The following AKAP10 variants were observed in gnomAD, a reference collection of about 807,000 sequenced individuals.
The protein encoded by AKAP10 is A-kinase anchoring protein 10.
In AKAP10, 24 loss-of-function variants were observed where a neutral mutation model predicts 80.8. The ratio of observed to expected loss-of-function variants is 0.30; its 90% CI spans 0.22 to 0.42. The LOEUF (loss-of-function observed/expected upper bound fraction) is 0.42. AKAP10 is among the 10% of genes least tolerant of loss of function. The pLI is 1.00. For synonymous variants in AKAP10, 291 were observed against 277.7 expected, an observed-to-expected ratio of 1.05 and a Z score of -0.48; for missense variants, 661 against 794.9, an observed-to-expected ratio of 0.83 and a Z score of 2.03.
At chr17:19,943,334 G>A (rs141309659) in intron 5 of AKAP10, among the ~76,000 whole-genome samples, 3 of 152,314 alleles carry the variant, frequency 2.0e-5, no homozygotes, top group Non-Finnish European at 2.9e-5. Context: ...AGAATTACAC[G>A]TTTGGGACTT....
At chr17:19,972,758 G>GT (rs2043515034) in intron 1 of AKAP10, among the ~76,000 whole-genome samples, 1 of 152,088 alleles carries the variant, frequency 6.6e-6, no homozygotes, top group African/African-American at 2.4e-5. Flanking sequence ...CTTGGCGAAA[G>GT]TTTTAAGTTT....
At chr17:19,965,029 C>A (rs2043399961) in intron 2 of AKAP10, among the ~76,000 whole-genome samples, 2 of 152,256 alleles carry the variant, frequency 1.3e-5, no homozygotes, top group South Asian at 4.1e-4. Flanking sequence ...AAGCCCTGAT[C>A]TGTATCTGTG....
intron 14 of AKAP10, among the ~76,000 whole-genome samples, chr17:19,907,190 G>T (rs1323133089): frequency 1.3e-5 from 2 of 151,264 alleles, no homozygotes; most frequent in Non-Finnish European, 2.9e-5. Flanking sequence ...AGCTAATTTT[G>T]TATTTTTAGT....
chr17:19,910,514 A>C (rs1179636142), intron 12 of AKAP10, among the ~76,000 whole-genome samples: 1 of 152,190 alleles, frequency 6.6e-6, no homozygotes, highest in Non-Finnish European at 1.5e-5. Flanking sequence ...GGCTTGAAAA[A>C]CTTTTGAAAA....
intron 4 of AKAP10, among the ~76,000 whole-genome samples, chr17:19,951,770 G>A (rs976484574): frequency 6.6e-6 from 1 of 151,784 alleles, no homozygotes; most frequent in Non-Finnish European, 1.5e-5. Context: ...AAGGCCGCAG[G>A]GTCCTCTGTC....
intron 14 of AKAP10, among the ~76,000 whole-genome samples, chr17:19,908,677 T>C (rs2042657985): frequency 6.6e-6 from 1 of 152,170 alleles, no homozygotes; most frequent in South Asian, 2.1e-4. Flanking sequence ...GTTTCGCTCG[T>C]CGCCCAGGCT....
intron 12 of AKAP10, among the ~76,000 whole-genome samples, chr17:19,916,098 T>G (rs1308024711): frequency 6.6e-6 from 1 of 152,160 alleles, no homozygotes; most frequent in African/African-American, 2.4e-5. Flanking sequence ...CCTTGTTCCT[T>G]TCACCAAGAA....
intron 2 of AKAP10, among the ~76,000 whole-genome samples, chr17:19,965,775 G>A (rs1181145428): frequency 1.3e-5 from 2 of 152,020 alleles, no homozygotes; most frequent in African/African-American, 2.4e-5. Context: ...ACAAACTGAA[G>A]GCTATGTTAA....
chr17:19,941,941 C>A, intron 5 of AKAP10, 31 bp from the exon 6 acceptor site: 1 of 1,596,860 alleles, frequency 6.3e-7, no homozygotes, highest in Non-Finnish European at 8.5e-7. Context: ...AATTAAATTG[C>A]CACTAAATTC....
rs2043593521 is a variant in AKAP10, at chr17:19,977,745, T to C, written c.-66A>G. The C allele has an allele frequency of 5.8e-6, 6 of 1,032,874 alleles. No homozygotes were observed. Among genetic ancestry groups the C allele is most frequent in the Middle Eastern group, 5.0e-4 (2 of 3,982 alleles). 64.0% of individuals were successfully genotyped at this position (1,032,874 alleles called of 1,614,324 possible). A position where few individuals can be genotyped will look rare whatever the true frequency, so the allele number is the denominator to read the frequency against. ...GCACTAGCGCGAAAAGGGACCCTTC[T>C]TCCGGGAGTGGGCCCCACCGCCTCC... On this transcript the variant is annotated 5_prime_UTR_variant, in exon 1 of 15. Coordinates refer to ENST00000225737, the MANE Select transcript of AKAP10 (RefSeq NM_007202.4).
intron 12 of AKAP10, among the ~76,000 whole-genome samples, chr17:19,914,403 T>C (rs1005302597): frequency 2.6e-5 from 4 of 152,048 alleles, no homozygotes; most frequent in African/African-American, 9.7e-5. Context: ...ATAATCCCAA[T>C]ACTTTGGGAG....
At chr17:19,910,131 C>T (rs1232962685) in intron 12 of AKAP10, among the ~76,000 whole-genome samples, 153 bp from the exon 13 acceptor site, 1 of 151,952 alleles carries the variant, frequency 6.6e-6, no homozygotes, top group Non-Finnish European at 1.5e-5. Flanking sequence ...AGTTCAAGAC[C>T]AGCCTGGCCA....
At chr17:19,938,701 C>CT (rs2043020054) in intron 8 of AKAP10, among the ~76,000 whole-genome samples, 1 of 151,694 alleles carries the variant, frequency 6.6e-6, no homozygotes, top group Non-Finnish European at 1.5e-5. Context: ...TTAGCATTTG[C>CT]TTAAGGATAC....
chr17:19,911,799 C>T (rs1354349973), intron 12 of AKAP10, among the ~76,000 whole-genome samples: 1 of 124,670 alleles, frequency 8.0e-6, no homozygotes, highest in Non-Finnish European at 1.6e-5. Flanking sequence ...CACGCCATTG[C>T]ACTCCAGCCT....
intron 8 of AKAP10, among the ~76,000 whole-genome samples, chr17:19,937,926 C>T (rs1311485709): frequency 1.3e-5 from 2 of 151,192 alleles, no homozygotes; most frequent in Admixed American, 6.6e-5. Context: ...TTCCTGGTCA[C>T]ACCTCAAACC....
At chr17:19,930,547 C>T (rs568703784) in intron 10 of AKAP10, among the ~76,000 whole-genome samples, 1 of 151,968 alleles carries the variant, frequency 6.6e-6, no homozygotes, top group African/African-American at 2.4e-5. Flanking sequence ...CTTTGAGAGG[C>T]CAAGGTGGGA....
At position 19,958,181 on chromosome 17, in the gene AKAP10, A is replaced by C. The variant is rs1412610622; in HGVS notation, c.710T>G (p.Leu237Arg). 2.5e-6 allele frequency: 4 copies of C among 1,614,238 alleles called. No homozygotes were observed. Among genetic ancestry groups the C allele is most frequent in the Non-Finnish European group, 3.4e-6 (4 of 1,180,050 alleles). The stretch of plus-strand genomic sequence containing the variant: ...GGCACTGTCACATTCCTGGGAAAGC[A>C]GCAAGTGATTCTGAGTGCTGTTAGT... ...NRTNSTQNHL[L>R]LSQECDSAHS... is the part of the protein sequence containing the mutation. Residue 237 changes from leucine (L) to arginine (R), a missense_variant, in exon 4 of 15, where the codon CTG becomes CGG. Coordinates refer to ENST00000225737, the MANE Select transcript of AKAP10 (RefSeq NM_007202.4).
intron 1 of AKAP10, among the ~76,000 whole-genome samples, chr17:19,969,862 T>C (rs1049321498): frequency 6.6e-6 from 1 of 152,164 alleles, no homozygotes; most frequent in Non-Finnish European, 1.5e-5. Flanking sequence ...AGACGACATT[T>C]AAAAATGTTG....
Position 19,906,145 on chromosome 17 carries a change from T to G in AKAP10, c.*82A>C. On this transcript the variant is annotated 3_prime_UTR_variant, in exon 15 of 15. Coordinates refer to ENST00000225737, the MANE Select transcript of AKAP10 (RefSeq NM_007202.4). The stretch of plus-strand genomic sequence containing the variant: ...GATCAGAAATATAGTGCTGTTTTCA[T>G]TGGCTGTGTTGAAGAATCCAACCAA... The G allele has an allele frequency of 7.0e-7, 1 of 1,437,870 alleles. No homozygotes were observed. The highest frequency in any genetic ancestry group is 9.7e-7 in the Non-Finnish European group (1 of 1,027,310). 89.1% of individuals were successfully genotyped at this position (1,437,870 alleles called of 1,614,324 possible). A position where few individuals can be genotyped will look rare whatever the true frequency, so the allele number is the denominator to read the frequency against.
Sources: allele counts gnomAD v4.1 joint callset (sites outside exome capture counted in the v4.1 genomes callset), GRCh38; gene constraint gnomAD v4.1.1; transcripts MANE v1.5; gene names NCBI Gene and HGNC (gene_info 2026-07-23, HGNC 2026-07-21).